The following PLXNA4 variants were observed in gnomAD, a reference collection of about 807,000 sequenced individuals.
PLXNA4 encodes the protein plexin A4, also known as plexin-A4.
A neutral mutation model predicts 191.8 loss-of-function variants in PLXNA4; 44 were observed. That is an observed-to-expected ratio of 0.23 (90% CI 0.18 to 0.29). PLXNA4 has a LOEUF of 0.29. Ranked by LOEUF, PLXNA4 falls within the 10% of genes least tolerant of loss-of-function variation. The probability of loss-of-function intolerance (pLI) is 1.00; values close to 1 mark genes in which losing one functional copy is unlikely to be tolerated. For synonymous variants in PLXNA4, 1,082 were observed against 1,009.5 expected (o/e 1.07, Z -1.36); for missense variants, 1,800 against 2,488.8 (o/e 0.72, Z 5.89).
intron 2 of PLXNA4, among the ~76,000 whole-genome samples, chr7:132,505,921 A>C (rs1329316658): frequency 6.6e-6 from 1 of 152,144 alleles, no homozygotes; most frequent in African/African-American, 2.4e-5. Flanking sequence ...CTCCAGGGGC[A>C]TTCCCAAAGG....
At chr7:132,261,973 G>A (rs1799661656) in intron 4 of PLXNA4, among the ~76,000 whole-genome samples, 1 of 152,126 alleles carries the variant, frequency 6.6e-6, no homozygotes, top group Admixed American at 6.5e-5. Flanking sequence ...CACCAGCAGA[G>A]GTTGACCAAA....
chr7:132,179,333 A>T (rs1796619516), intron 20 of PLXNA4, among the ~76,000 whole-genome samples: 1 of 151,010 alleles, frequency 6.6e-6, no homozygotes, highest in South Asian at 2.1e-4. Context: ...ACACGCACAC[A>T]CAGAGCCTCC....
At chr7:132,175,602 G>T (rs962618723) in intron 20 of PLXNA4, among the ~76,000 whole-genome samples, 5 of 152,196 alleles carry the variant, frequency 3.3e-5, no homozygotes, top group Non-Finnish European at 7.3e-5. Context: ...GGCAGCTCAG[G>T]CCTCCAGATG....
intron 1 of PLXNA4, among the ~76,000 whole-genome samples, chr7:132,535,049 C>T (rs1799776033): frequency 6.6e-6 from 1 of 152,202 alleles, no homozygotes; most frequent in Non-Finnish European, 1.5e-5. Flanking sequence ...ATAATGCAGG[C>T]ACTGGTAATC....
intron 2 of PLXNA4, among the ~76,000 whole-genome samples, chr7:132,620,847 A>T (rs1271239311): frequency 6.6e-6 from 1 of 152,168 alleles, no homozygotes; most frequent in East Asian, 1.9e-4. Context: ...GGTGGCTTAA[A>T]CAATAGACAT....
chr7:132,365,866 C>G (rs1804159643), intron 3 of PLXNA4: 1 of 152,142 alleles, frequency 6.6e-6, no homozygotes, highest in African/African-American at 2.4e-5. Context: ...TGTCGCTAAC[C>G]ACAGGAGATG....
intron 4 of PLXNA4, among the ~76,000 whole-genome samples, chr7:132,283,043 C>G (rs1006122341): frequency 6.6e-6 from 1 of 152,002 alleles, no homozygotes; most frequent in African/African-American, 2.4e-5. Context: ...CCATACCCAG[C>G]TAATTTTTGT....
intron 9 of PLXNA4, among the ~76,000 whole-genome samples, chr7:132,214,924 A>G (rs1031489281): frequency 2.6e-5 from 4 of 152,136 alleles, no homozygotes; most frequent in African/African-American, 9.7e-5. Flanking sequence ...AAACTAACAC[A>G]TATAAAGCGT....
At chr7:132,202,572 CAG>C (rs897968088) in intron 12 of PLXNA4, 72 bp downstream of exon 12, 94 of 1,358,500 alleles carry the variant, frequency 6.9e-5, no homozygotes, top group Non-Finnish European at 8.7e-5. Flanking sequence ...CACGGCTGGG[CAG>C]AGTTTCCACA....
chr7:132,312,519 A>G (rs1473129450), intron 3 of PLXNA4, among the ~76,000 whole-genome samples: 1 of 152,208 alleles, frequency 6.6e-6, no homozygotes, highest in Non-Finnish European at 1.5e-5. Context: ...TTAATATAAT[A>G]TGCTAATGGT....
intron 3 of PLXNA4, among the ~76,000 whole-genome samples, chr7:132,471,037 G>A (rs1415237784): frequency 6.6e-6 from 1 of 152,172 alleles, no homozygotes; most frequent in Non-Finnish European, 1.5e-5. Flanking sequence ...TAAATCATGG[G>A]GTGGATTTCT....
rs1257635068 is a variant in PLXNA4, at chr7:132,493,715, A to ATGGATGGG, written c.1189-4249_1189-4242dup. Among the ~76,000 whole-genome samples, 802 of 148,590 alleles carry ATGGATGGG rather than the reference A, an allele frequency of 5.4e-3. 5 individuals carry two copies. Among genetic ancestry groups the ATGGATGGG allele is most frequent in the South Asian group, 0.016 (71 of 4,468 alleles). On this transcript the variant is annotated intron_variant, in intron 2 of 31. Transcript: ENST00000321063. The stretch of plus-strand genomic sequence containing the variant: ...GATGGATGGATAGGTGGATGGATGG[A>ATGGATGGG]TGGATGGGTGGATGGGTGGATGGGT...
At chr7:132,342,067 C>A (rs1243500569) in intron 3 of PLXNA4, among the ~76,000 whole-genome samples, 1 of 151,528 alleles carries the variant, frequency 6.6e-6, no homozygotes, top group African/African-American at 2.4e-5. Flanking sequence ...ATTAACCAAG[C>A]AATCCATCAT....
At chr7:132,268,976 C>T (rs1799958107) in intron 4 of PLXNA4, among the ~76,000 whole-genome samples, 1 of 152,184 alleles carries the variant, frequency 6.6e-6, no homozygotes, top group Admixed American at 6.5e-5. Context: ...CTTGGAATAC[C>T]TCCAAAAGTG....
At chr7:132,382,700 G>A (rs1051034935) in intron 3 of PLXNA4, among the ~76,000 whole-genome samples, 1 of 152,144 alleles carries the variant, frequency 6.6e-6, no homozygotes, top group East Asian at 1.9e-4. Context: ...GCAATGATAC[G>A]CTGCCCTTTG....
intron 14 of PLXNA4, among the ~76,000 whole-genome samples, chr7:132,191,577 T>C (rs1797088179): frequency 6.6e-6 from 1 of 152,086 alleles, no homozygotes; most frequent in Non-Finnish European, 1.5e-5. Context: ...CCTGTCCACT[T>C]TATCATTCAG....
chr7:132,552,778 G>A (rs547661242), intron 1 of PLXNA4, among the ~76,000 whole-genome samples: 1 of 152,248 alleles, frequency 6.6e-6, no homozygotes, highest in Admixed American at 6.5e-5. Flanking sequence ...TTAATATCAG[G>A]AGAAATGCCT....
intron 3 of PLXNA4, among the ~76,000 whole-genome samples, chr7:132,437,205 C>T (rs1242564441): frequency 1.3e-5 from 2 of 152,196 alleles, no homozygotes; most frequent in Non-Finnish European, 2.9e-5. Context: ...CCAACTAATA[C>T]AGGGCATCCA....
chr7:132,375,085 T>C (rs1804603696), intron 3 of PLXNA4, among the ~76,000 whole-genome samples: 2 of 152,230 alleles, frequency 1.3e-5, no homozygotes. Flanking sequence ...GAGGCTGATG[T>C]CCCCATTTCA....
Sources: gnomAD v4.1 joint callset for allele counts (sites outside exome capture counted in the v4.1 genomes callset) on GRCh38, gnomAD v4.1.1 for gene constraint, MANE v1.5 for transcripts, NCBI Gene and HGNC (gene_info 2026-07-23, HGNC 2026-07-21) for gene names.